HMGCL: variants seen among roughly 807,000 people sequenced by gnomAD.
The protein encoded by HMGCL is 3-hydroxy-3-methylglutaryl-CoA lyase, also known as hydroxymethylglutaryl-CoA lyase, mitochondrial.
Under a neutral mutation model 37.3 loss-of-function variants are expected in HMGCL, and 26 were observed. That is an observed-to-expected ratio of 0.70 (90% confidence interval 0.51 to 0.97). The LOEUF is 0.97. Among genes scored for constraint, HMGCL ranks in the 50% least tolerant of loss-of-function variants. The pLI, the probability that HMGCL is intolerant of heterozygous loss-of-function variation, is 0.00. For missense variants in HMGCL, 379 were observed against 398.1 expected (o/e 0.95, Z 0.41); for synonymous variants, 151 against 148.0 (o/e 1.02, Z -0.15).
intron 7 of HMGCL, among the ~76,000 whole-genome samples, chr1:23,805,196 G>A (rs1445110711): frequency 6.6e-6 from 1 of 151,928 alleles, no homozygotes; most frequent in African/African-American, 2.4e-5. Context: ...CCTAGCCAAG[G>A]CCAACCCCTC....
intron 4 of HMGCL, chr1:23,816,354 A>T: frequency 2.6e-6 from 1 of 378,972 alleles, no homozygotes; most frequent in Non-Finnish European, 5.0e-6. Context: ...ACATTTCTCT[A>T]AAGAAGTGGA....
rs1638419102 is a variant in HMGCL at position 23,806,833 on chromosome 1, T to C, written c.750+1302A>G. On this transcript the variant is annotated intron_variant, in intron 7 of 8. Coordinates refer to ENST00000374490, the MANE Select transcript of HMGCL (RefSeq NM_000191.3). The surrounding 1 kb of genome is among the most constrained non-coding windows in gnomAD (Gnocchi z 4.0). Reference sequence around the variant, plus strand: ...GTTTTAATAGGTGAATAAATGGTCTTACAATGTGCTATTTACACGCCTGTA... The same window carrying C: ...GTTTTAATAGGTGAATAAATGGTCTCACAATGTGCTATTTACACGCCTGTA... The C allele has an allele frequency of 7.5e-6, 3 of 402,412 alleles. No homozygotes were observed. Among genetic ancestry groups the C allele is most frequent in the Non-Finnish European group, 1.5e-5 (3 of 202,132 alleles). 24.9% of individuals were successfully genotyped at this position (402,412 alleles called of 1,614,324 possible).
intron 7 of HMGCL, among the ~76,000 whole-genome samples, chr1:23,807,656 T>C (rs1002701047): frequency 6.6e-6 from 1 of 152,178 alleles, no homozygotes; most frequent in Non-Finnish European, 1.5e-5. Flanking sequence ...CTAGCTTCTC[T>C]ACCTCCTGCT....
intron 2 of HMGCL, among the ~76,000 whole-genome samples, chr1:23,819,794 A>G (rs990067650): frequency 1.3e-5 from 2 of 152,108 alleles, no homozygotes; most frequent in African/African-American, 4.8e-5. Flanking sequence ...TTTTGTTTGG[A>G]GACAGAATCG....
chr1:23,816,595 G>T, intron 4 of HMGCL, 80 bp downstream of exon 4: 1 of 894,958 alleles, frequency 1.1e-6, no homozygotes, highest in South Asian at 1.3e-5. Flanking sequence ...CAGGACAGGG[G>T]ACTGAGGCGC....
At chr1:23,803,098 G>A (rs1324636820) in intron 8 of HMGCL, among the ~76,000 whole-genome samples, 4 of 151,998 alleles carry the variant, frequency 2.6e-5, no homozygotes, top group African/African-American at 4.8e-5. Flanking sequence ...GCAATGGCAC[G>A]CTCTCAGCTC....
intron 5 of HMGCL, among the ~76,000 whole-genome samples, chr1:23,811,428 C>G (rs554907862): frequency 7.2e-5 from 11 of 152,204 alleles, no homozygotes; most frequent in South Asian, 2.1e-4. Flanking sequence ...AATAAAAAAG[C>G]AACCAAGTAA....
chr1:23,815,473 A>C (rs1001487434), intron 4 of HMGCL, among the ~76,000 whole-genome samples: 1 of 151,402 alleles, frequency 6.6e-6, no homozygotes, highest in African/African-American at 2.4e-5. Flanking sequence ...AAGCCACCCA[A>C]TTTGTAGTGC....
chr1:23,806,877 C>T lies in HMGCL; in HGVS notation c.750+1258G>A. 4.2e-6 allele frequency: 2 copies of T among 481,434 alleles called. No individual in the cohort carries two copies. The highest frequency in any genetic ancestry group is 1.2e-4 in the East Asian group (2 of 16,878). The allele number at this position is 481,434 out of a possible 1,614,324, so 29.8% of individuals were successfully genotyped here. On this transcript the variant is annotated intron_variant, in intron 7 of 8. Coordinates refer to ENST00000374490, the MANE Select transcript of HMGCL (RefSeq NM_000191.3). The surrounding 1 kb of genome is among the most constrained non-coding windows in gnomAD (Gnocchi z 4.0). ...GCCTGTAATCTTCCATCTGTCTTCC[C>T]CACCCACCATAACATGAGCTCCCAG...
At chr1:23,816,499 A>G in intron 4 of HMGCL, 176 bp downstream of exon 4, 6 of 718,070 alleles carry the variant, frequency 8.4e-6, no homozygotes, top group Admixed American at 2.0e-5. Context: ...AGGCTTGTCA[A>G]CTTGTCAAGA....
chr1:23,808,881 C>T (rs929895279), intron 6 of HMGCL, among the ~76,000 whole-genome samples: 1 of 150,454 alleles, frequency 6.6e-6, no homozygotes, highest in Non-Finnish European at 1.5e-5. Flanking sequence ...TAGCTTGGAC[C>T]ATATGTATAA....
At chr1:23,818,997 T>A (rs1439267637) in intron 2 of HMGCL, among the ~76,000 whole-genome samples, 2 of 97,924 alleles carry the variant, frequency 2.0e-5, no homozygotes, top group African/African-American at 4.4e-5. Context: ...AAAGCTAGGA[T>A]GGACGTGCTA....
Position 23,802,343 on chromosome 1 carries a change from A to G in HMGCL, c.*120T>C, listed in dbSNP as rs957001267. 2.6e-6 allele frequency: 2 copies of G among 775,094 alleles called. No homozygotes were observed. The highest frequency in any genetic ancestry group is 3.4e-5 in the African/African-American group (2 of 59,082). The allele number at this position is 775,094 out of a possible 1,614,324, so 48.0% of individuals were successfully genotyped here. A position where few individuals can be genotyped will look rare whatever the true frequency, so the allele number is the denominator to read the frequency against. Reference sequence around the variant, plus strand: ...TCTGCCAGGAGAGACCTCTGTGTAGAGCTGGCTATGAGGTACCTGCACCAT... The same window carrying G: ...TCTGCCAGGAGAGACCTCTGTGTAGGGCTGGCTATGAGGTACCTGCACCAT... On this transcript the variant is annotated 3_prime_UTR_variant, in exon 9 of 9. Transcript: ENST00000374490.
At chr1:23,820,396 G>A (rs1638695937) in intron 2 of HMGCL, 114 bp downstream of exon 2, 1 of 780,772 alleles carries the variant, frequency 1.3e-6, no homozygotes, top group Admixed American at 1.9e-5. Flanking sequence ...CCCCTAACTT[G>A]TGCAGAGGAA....
intron 1 of HMGCL, among the ~76,000 whole-genome samples, chr1:23,821,471 C>T (rs1638718401): frequency 6.6e-6 from 1 of 151,984 alleles, no homozygotes; most frequent in South Asian, 2.1e-4. Flanking sequence ...GCCTGGCCAA[C>T]ATGATGAAGA....
intron 7 of HMGCL, among the ~76,000 whole-genome samples, chr1:23,805,835 C>T (rs529891629): frequency 7.9e-5 from 12 of 152,358 alleles, no homozygotes; most frequent in East Asian, 3.9e-4. Flanking sequence ...GATCCGGTCA[C>T]GCACCTCTGC....
Position 23,802,461 on chromosome 1 carries a change from G to C in HMGCL, c.*2C>G. On this transcript the variant is annotated 3_prime_UTR_variant, in exon 9 of 9. Coordinates refer to ENST00000374490, the MANE Select transcript of HMGCL (RefSeq NM_000191.3). Reference sequence around the variant, plus strand: ...CCCCAGGGCTTCAGGTGGGCAAGGGGCTCAGAGTTTACAGGTAGCCTGAGC... The same window carrying C: ...CCCCAGGGCTTCAGGTGGGCAAGGGCCTCAGAGTTTACAGGTAGCCTGAGC... 6.3e-7 allele frequency: 1 copy of C among 1,595,574 alleles called. No homozygotes were observed. Among genetic ancestry groups the C allele is most frequent in the Non-Finnish European group, 8.6e-7 (1 of 1,163,128 alleles).
intron 3 of HMGCL, 71 bp downstream of exon 3, chr1:23,817,405 A>T: frequency 1.1e-6 from 1 of 882,026 alleles, no homozygotes; most frequent in Non-Finnish European, 1.9e-6. Context: ...CTCAACTTCT[A>T]CTTGCTTCAA....
At chr1:23,810,870 G>A in intron 5 of HMGCL, 71 bp from the exon 6 acceptor site, 1 of 1,206,796 alleles carries the variant, frequency 8.3e-7, no homozygotes, top group Non-Finnish European at 1.2e-6. Context: ...AGGCAGGGCT[G>A]TTTAACACAC....
Sources: allele counts gnomAD v4.1 joint callset (sites outside exome capture counted in the v4.1 genomes callset), GRCh38; gene constraint gnomAD v4.1.1; non-coding constraint Gnocchi (gnomAD v3.1); transcripts MANE v1.5; gene names NCBI Gene and HGNC (gene_info 2026-07-23, HGNC 2026-07-21).